DOCK1: variants seen among roughly 807,000 people sequenced by gnomAD.
DOCK1 encodes the protein dedicator of cytokinesis protein 1.
In DOCK1, 138 loss-of-function variants were observed where a neutral mutation model predicts 262.7. The observed-to-expected ratio is 0.53, with a 90% CI of 0.46 to 0.61. The LOEUF is 0.61. Among genes scored for constraint, DOCK1 ranks in the 20% least tolerant of loss-of-function variants. The probability of loss-of-function intolerance (pLI) is 0.00; values close to 1 mark genes in which losing one functional copy is unlikely to be tolerated. For missense variants in DOCK1, 1,908 were observed against 2,370.7 expected (o/e 0.80, Z 4.05); for synonymous variants, 866 against 867.4 (o/e 1.00, Z 0.03).
chr10:127,336,831 GC>G (rs2063224103), intron 29 of DOCK1, among the ~76,000 whole-genome samples: 1 of 152,110 alleles, frequency 6.6e-6, no homozygotes. Flanking sequence ...GAGCCACCGC[GC>G]CCAGCTGACA....
intron 9 of DOCK1, 61 bp from the exon 10 acceptor site, chr10:127,000,111 C>A: frequency 6.3e-7 from 1 of 1,581,902 alleles, no homozygotes; most frequent in South Asian, 1.1e-5. Context: ...CTGTCCTTTT[C>A]ATTGGAGCTT....
At chr10:127,232,862 C>T (rs2058902079) in intron 27 of DOCK1, among the ~76,000 whole-genome samples, 1 of 152,138 alleles carries the variant, frequency 6.6e-6, no homozygotes, top group South Asian at 2.1e-4. Flanking sequence ...TAAAATTAGT[C>T]ATTATAGTAC....
At chr10:126,943,364 A>T (rs1274624746) in intron 1 of DOCK1, among the ~76,000 whole-genome samples, 2 of 152,214 alleles carry the variant, frequency 1.3e-5, no homozygotes, top group African/African-American at 2.4e-5. Flanking sequence ...GCTGGAACCA[A>T]ACTGCTTGGG....
intron 1 of DOCK1, among the ~76,000 whole-genome samples, chr10:126,924,510 G>A (rs768249839): frequency 1.6e-4 from 25 of 152,268 alleles, no homozygotes; most frequent in Admixed American, 8.5e-4. Context: ...AACTGTCTCT[G>A]GGGAGCCCTG....
chr10:127,247,942 T>A lies in DOCK1; in HGVS notation c.2848-66T>A. ...CAGTTTCAAGTCCCAGAATCTGGGA[T>A]GATTTCGGCTTTTCCCATGAGTGTT... On this transcript the variant is annotated intron_variant, in intron 27 of 51. Transcript: ENST00000623213. The A allele has an allele frequency of 2.0e-6, 3 of 1,495,382 alleles. No individual in the cohort carries two copies. In the Admixed American group the frequency reaches 5.4e-5, roughly 27 times the overall value. The allele number at this position is 1,495,382 out of a possible 1,614,324, so 92.6% of individuals were successfully genotyped here.
intron 11 of DOCK1, 80 bp downstream of exon 11, chr10:127,008,884 A>T (rs2041221268): frequency 8.3e-7 from 1 of 1,203,226 alleles, no homozygotes; most frequent in African/African-American, 1.5e-5. Flanking sequence ...TTATAATTAA[A>T]TGGATAAACA....
At chr10:126,979,343 T>C (rs999853067) in intron 3 of DOCK1, among the ~76,000 whole-genome samples, 3 of 152,114 alleles carry the variant, frequency 2.0e-5, no homozygotes, top group Admixed American at 1.3e-4. Context: ...CTGGTCATAA[T>C]GAGTGAGATC....
intron 25 of DOCK1, among the ~76,000 whole-genome samples, chr10:127,123,259 G>C (rs2049728466): frequency 8.4e-6 from 1 of 118,942 alleles, no homozygotes; most frequent in Admixed American, 9.5e-5. Context: ...TGCTGCCTCT[G>C]AGGTTTCTTG....
intron 33 of DOCK1, among the ~76,000 whole-genome samples, chr10:127,363,374 G>T (rs1053919827): frequency 6.6e-6 from 1 of 152,104 alleles, no homozygotes; most frequent in Non-Finnish European, 1.5e-5. Context: ...GTGAGGCATG[G>T]TGGTGCACAC....
At chr10:127,338,891 G>A in intron 29 of DOCK1, 115 bp from the exon 30 acceptor site, 1 of 874,758 alleles carries the variant, frequency 1.1e-6, no homozygotes, top group Non-Finnish European at 1.8e-6. Flanking sequence ...CTTTGCGCAA[G>A]ACTTGGAGAG....
chr10:127,314,207 C>T (rs1047252800), intron 29 of DOCK1, among the ~76,000 whole-genome samples: 11 of 152,170 alleles, frequency 7.2e-5, no homozygotes, highest in African/African-American at 2.7e-4. Flanking sequence ...AAAGGGCAGA[C>T]CATGGAAATG....
At position 127,428,971 on chromosome 10, in the gene DOCK1, A is replaced by G. The variant is rs74836268; in HGVS notation, c.4914+2960A>G. Among the ~76,000 whole-genome samples the G allele has an allele frequency of 2.8e-3, 44 of 15,460 alleles. 1 individual carries two copies. The highest frequency in any genetic ancestry group is 5.3e-3 in the South Asian group (2 of 380). 10.1% of individuals were successfully genotyped at this position (15,460 alleles called of 152,430 possible). The stretch of plus-strand genomic sequence containing the variant: ...ATTGGGGTGCTGTGTGGATTCGGGT[A>G]CCATGTGGATTGGGGTGCCGTGTGG... On this transcript the variant is annotated intron_variant, in intron 47 of 51. Coordinates refer to ENST00000623213, the MANE Select transcript of DOCK1 (RefSeq NM_001290223.2).
chr10:127,197,789 T>G (rs138455585), intron 27 of DOCK1, among the ~76,000 whole-genome samples: 5 of 152,224 alleles, frequency 3.3e-5, no homozygotes, highest in African/African-American at 1.2e-4. Context: ...TGAGCTGAAC[T>G]GAGCCTATCA....
chr10:127,352,607 T>C lies in DOCK1; in HGVS notation c.3225-2062T>C, dbSNP rs1313599999. 2.0e-5 allele frequency among the ~76,000 whole-genome samples: 3 copies of C among 152,120 alleles called. No individual in the cohort carries two copies. The East Asian group carries it at 5.8e-4, about 29-fold the overall frequency. ...AGCCTAGCAGTGGCCAGTTTTTTTT[T>C]CTTGATACAGAGTCTTTCTCTGTCG... On this transcript the variant is annotated intron_variant, in intron 31 of 51. Transcript: ENST00000623213.
chr10:127,137,514 A>C, intron 27 of DOCK1: 1 of 243,388 alleles, frequency 4.1e-6, no homozygotes, highest in East Asian at 8.5e-5. Context: ...ACAGCCTGCC[A>C]TCTCGCAGGT....
intron 22 of DOCK1, 48 bp from the exon 23 acceptor site, chr10:127,061,620 G>T (rs1353584057): frequency 1.3e-6 from 2 of 1,496,014 alleles, no homozygotes; most frequent in Admixed American, 3.9e-5. Flanking sequence ...TTCAAAAAAT[G>T]TTGAGGTGTT....
chr10:127,264,203 G>C (rs188936874), intron 29 of DOCK1, among the ~76,000 whole-genome samples: 30 of 152,268 alleles, frequency 2.0e-4, no homozygotes, highest in African/African-American at 7.0e-4. Context: ...AACTACTCCA[G>C]CTCACAGCTT....
chr10:127,393,739 A>T (rs1280079124), intron 38 of DOCK1, among the ~76,000 whole-genome samples: 1 of 152,166 alleles, frequency 6.6e-6, no homozygotes, highest in Non-Finnish European at 1.5e-5. Flanking sequence ...TCCCCACGGA[A>T]TCATTCTTCT....
At chr10:126,970,825 G>A (rs374924025) in intron 2 of DOCK1, 40 bp downstream of exon 2, 127 of 1,596,676 alleles carry the variant, frequency 8.0e-5, no homozygotes, top group Non-Finnish European at 1.0e-4. Context: ...TACATTTTGG[G>A]CAGATGGCAC....
Sources: allele counts gnomAD v4.1 joint callset (sites outside exome capture counted in the v4.1 genomes callset), GRCh38; gene constraint gnomAD v4.1.1; transcripts MANE v1.5; gene names NCBI Gene and HGNC (gene_info 2026-07-23, HGNC 2026-07-21).